Variants in ERAP1 observed in about 807,000 individuals in gnomAD.
The protein encoded by ERAP1 is adipocyte-derived leucine aminopeptidase.
ERAP1 carries 86 observed loss-of-function variants against 103.7 expected under a neutral mutation model. The observed-to-expected ratio is 0.83, with a 90% CI of 0.70 to 0.99. The LOEUF is 0.99. ERAP1 is among the 50% of genes least tolerant of loss of function. The pLI is 0.00. For missense variants in ERAP1, 1,009 were observed against 1,128.4 expected, an observed-to-expected ratio of 0.89 and a Z score of 1.52; for synonymous variants, 398 against 402.4, an observed-to-expected ratio of 0.99 and a Z score of 0.13.
At chr5:96,884,132 T>C in the ERAP1 span, among the ~76,000 whole-genome samples, 1 of 135,456 alleles carries the variant, frequency 7.4e-6, no homozygotes, top group Non-Finnish European at 1.6e-5. Flanking sequence ...TTTGGGGCAT[T>C]GTTACACAGG....
At chr5:96,821,070 G>T in the ERAP1 span, among the ~76,000 whole-genome samples, 8 of 152,222 alleles carry the variant, frequency 5.3e-5, no homozygotes, top group Admixed American at 5.2e-4. Flanking sequence ...AGGCTGGCAA[G>T]CTGGAGAAAC....
At chr5:96,887,745 A>G in the ERAP1 span, among the ~76,000 whole-genome samples, 1 of 152,236 alleles carries the variant, frequency 6.6e-6, no homozygotes, top group African/African-American at 2.4e-5. Flanking sequence ...TGAACACATT[A>G]AATAAATAAA....
At chr5:96,791,042 G>T (rs544764755) in intron 8 of ERAP1, among the ~76,000 whole-genome samples, 1 of 152,318 alleles carries the variant, frequency 6.6e-6, no homozygotes, top group South Asian at 2.1e-4. Flanking sequence ...GTACAACAAG[G>T]GGTGGAGCAC....
chr5:96,913,188 T>C, the ERAP1 span: 1 of 697,262 alleles, frequency 1.4e-6, no homozygotes, highest in Non-Finnish European at 2.3e-6. Flanking sequence ...ATTGAAACAT[T>C]AAAAAATTGG....
At chr5:96,872,514 G>T in the ERAP1 span, among the ~76,000 whole-genome samples, 16 of 152,068 alleles carry the variant, frequency 1.1e-4, no homozygotes, top group Non-Finnish European at 1.5e-4. Context: ...CAAGAGAATC[G>T]CTTGAGCCCA....
chr5:96,813,252 G>A, the ERAP1 span, among the ~76,000 whole-genome samples: 1 of 152,146 alleles, frequency 6.6e-6, no homozygotes, highest in African/African-American at 2.4e-5. Flanking sequence ...CTATCAAATT[G>A]AAGAGAAGGG....
At chr5:96,784,416 G>A (rs553410712) in intron 13 of ERAP1, among the ~76,000 whole-genome samples, 1 of 152,334 alleles carries the variant, frequency 6.6e-6, no homozygotes, top group East Asian at 1.9e-4. Flanking sequence ...AACCCGGGAG[G>A]CAGAGGCGGT....
the ERAP1 span, among the ~76,000 whole-genome samples, chr5:96,922,829 A>G: frequency 6.6e-6 from 1 of 152,272 alleles, no homozygotes; most frequent in African/African-American, 2.4e-5. Flanking sequence ...TTATCTGTAG[A>G]TAAAAGTTAT....
chr5:96,913,280 C>G, the ERAP1 span: 1 of 1,565,030 alleles, frequency 6.4e-7, no homozygotes, highest in South Asian at 1.1e-5. Flanking sequence ...GTACATAATA[C>G]CTACTATTTA....
chr5:96,917,320 C>T, the ERAP1 span: 4 of 589,008 alleles, frequency 6.8e-6, no homozygotes, highest in South Asian at 2.3e-5. Flanking sequence ...GGGGTTCTGG[C>T]ATGTTGCCTA....
chr5:96,889,180 C>T, the ERAP1 span: 25 of 1,613,790 alleles, frequency 1.5e-5, no homozygotes, highest in African/African-American at 4.0e-5. Context: ...ATCCACATTT[C>T]CCAGGTGTCC....
At chr5:96,826,024 G>A in the ERAP1 span, among the ~76,000 whole-genome samples, 987 of 152,262 alleles carry the variant, frequency 6.5e-3, 6 homozygotes, top group Middle Eastern at 0.01. Context: ...TATTTGATTC[G>A]TTGCTTATTC....
the ERAP1 span, among the ~76,000 whole-genome samples, chr5:96,823,412 G>C: frequency 6.6e-6 from 1 of 152,092 alleles, no homozygotes; most frequent in Admixed American, 6.5e-5. Context: ...CTCCTCATTC[G>C]AGTCCACAGT....
the ERAP1 span, among the ~76,000 whole-genome samples, chr5:96,928,523 T>C: frequency 1.3e-5 from 2 of 152,168 alleles, no homozygotes; most frequent in Non-Finnish European, 2.9e-5. Context: ...TAGGGACTAT[T>C]AGAACCTAGG....
the ERAP1 span, among the ~76,000 whole-genome samples, chr5:96,830,515 G>T: frequency 3.3e-5 from 5 of 152,144 alleles, no homozygotes; most frequent in Non-Finnish European, 5.9e-5. Context: ...ATATTCATAT[G>T]ATTGGACACT....
intron 7 of ERAP1, 137 bp downstream of exon 7, chr5:96,793,263 T>C (rs893124416): frequency 2.7e-6 from 2 of 729,402 alleles, no homozygotes; most frequent in African/African-American, 3.5e-5. Flanking sequence ...GCAACACGAT[T>C]CATATCTAAA....
chr5:96,921,661 T>C, the ERAP1 span, among the ~76,000 whole-genome samples: 2 of 152,236 alleles, frequency 1.3e-5, no homozygotes, highest in Admixed American at 6.5e-5. Context: ...TCCTCTACTA[T>C]GCTGACAGAG....
In ERAP1 at chr5:96,803,525, C is replaced by T; in HGVS notation, c.402G>A (p.Leu134=). The change falls in exon 2 of 19, where the codon CTG becomes CTA. Residue 134 remains leucine (L), a synonymous_variant. Transcript: ENST00000443439. ...EHPRQEQIAL[L]APEPLLVGLP... The stretch of plus-strand genomic sequence containing the variant: ...GCCCGACAAGGAGGGGCTCGGGAGC[C>T]AGCAGTGCAATTTGCTCCTGACGGG... 3.1e-6 allele frequency: 5 copies of T among 1,613,564 alleles called. No homozygotes were observed. Among genetic ancestry groups the T allele is most frequent in the Non-Finnish European group, 2.5e-6 (3 of 1,179,528 alleles).
the ERAP1 span, among the ~76,000 whole-genome samples, chr5:96,921,842 C>T: frequency 6.6e-6 from 1 of 152,150 alleles, no homozygotes; most frequent in African/African-American, 2.4e-5. Context: ...TAAGGAATTC[C>T]CATAGTAATA....
Sources: gnomAD v4.1 joint callset for allele counts (sites outside exome capture counted in the v4.1 genomes callset) on GRCh38, gnomAD v4.1.1 for gene constraint, MANE v1.5 for transcripts, NCBI Gene and HGNC (gene_info 2026-07-23, HGNC 2026-07-21) for gene names.